Variants in ATP13A4 observed in about 807,000 individuals in gnomAD.
ATP13A4 encodes the protein ATPase 13A4.
ATP13A4 carries 114 observed loss-of-function variants against 142.5 expected under a neutral mutation model. The observed-to-expected ratio is 0.80, with a 90% CI of 0.69 to 0.93. ATP13A4 has a LOEUF of 0.93. Among genes scored for constraint, ATP13A4 ranks in the 40% least tolerant of loss-of-function variants. ATP13A4 has a pLI of 0.00. For synonymous variants in ATP13A4, 488 were observed against 514.8 expected, an observed-to-expected ratio of 0.95 and a Z score of 0.70; for missense variants, 1,392 against 1,454.0, an observed-to-expected ratio of 0.96 and a Z score of 0.69.
intron 28 of ATP13A4, among the ~76,000 whole-genome samples, chr3:193,409,383 G>C (rs1240284139): frequency 6.6e-6 from 1 of 152,124 alleles, no homozygotes; most frequent in Non-Finnish European, 1.5e-5. Context: ...TTTTAAAAGT[G>C]AACAATAATT....
chr3:193,423,644 C>T lies in ATP13A4; in HGVS notation c.2843-8894G>A, dbSNP rs945932442. 2.7e-5 allele frequency among the ~76,000 whole-genome samples: 4 copies of T among 149,720 alleles called. 1 individual carries two copies. The highest frequency in any genetic ancestry group is 9.8e-5 in the African/African-American group (4 of 40,814). Reference sequence around the variant, plus strand: ...ATTCAAAATTCCCTTCTGCTAAAAACTCTGAACAAATTAAGCATAGAAGAA... The same window carrying T: ...ATTCAAAATTCCCTTCTGCTAAAAATTCTGAACAAATTAAGCATAGAAGAA... On this transcript the variant is annotated intron_variant, in intron 25 of 29. Coordinates refer to ENST00000342695, the MANE Select transcript of ATP13A4 (RefSeq NM_032279.4).
chr3:193,436,380 A>G (rs1716268659), intron 23 of ATP13A4, among the ~76,000 whole-genome samples: 1 of 152,206 alleles, frequency 6.6e-6, no homozygotes, highest in Non-Finnish European at 1.5e-5. Context: ...TAGATGACAC[A>G]TGAAATGTCA....
chr3:193,574,730 A>G (rs1295593023), intron 2 of ATP13A4, among the ~76,000 whole-genome samples: 1 of 152,118 alleles, frequency 6.6e-6, no homozygotes, highest in Non-Finnish European at 1.5e-5. Context: ...CAAACAAAAC[A>G]AAAAACCTAG....
At chr3:193,457,327 G>C in intron 15 of ATP13A4, 52 bp downstream of exon 15, 1 of 1,601,446 alleles carries the variant, frequency 6.2e-7, no homozygotes, top group East Asian at 2.2e-5. Context: ...GGGGCCAGAA[G>C]AGTTTCTCTT....
intron 3 of ATP13A4, among the ~76,000 whole-genome samples, chr3:193,501,461 G>A (rs1720534525): frequency 6.6e-6 from 1 of 151,996 alleles, no homozygotes; most frequent in African/African-American, 2.4e-5. Flanking sequence ...GGTAGCAGGT[G>A]CCTGTATTCC....
At chr3:193,525,227 C>T (rs965494074) in intron 1 of ATP13A4, among the ~76,000 whole-genome samples, 3 of 152,160 alleles carry the variant, frequency 2.0e-5, no homozygotes, top group Non-Finnish European at 4.4e-5. Flanking sequence ...TCATAGAGTG[C>T]TGGCACCTGA....
At position 193,402,372 on chromosome 3, in the gene ATP13A4, TA is replaced by T. The variant is rs1466664321; in HGVS notation, c.*279del. 1 of 426,014 alleles carries T rather than the reference TA, an allele frequency of 2.3e-6. No homozygotes were observed. Among genetic ancestry groups the T allele is most frequent in the Non-Finnish European group, 4.3e-6 (1 of 231,998 alleles). The allele number at this position is 426,014 out of a possible 1,614,324, so 26.4% of individuals were successfully genotyped here. A position where few individuals can be genotyped will look rare whatever the true frequency, so the allele number is the denominator to read the frequency against. On this transcript the variant is annotated 3_prime_UTR_variant, in exon 30 of 30. Coordinates refer to ENST00000342695, the MANE Select transcript of ATP13A4 (RefSeq NM_032279.4). Reference sequence around the variant, plus strand: ...GGAAAGATCACATATTTTTCCCCTTTAGCCTGCTTGTCTCTTGGCCCATAGA... The same window carrying T: ...GGAAAGATCACATATTTTTCCCCTTTGCCTGCTTGTCTCTTGGCCCATAGA...
At chr3:193,497,148 G>T (rs1162829733) in intron 3 of ATP13A4, among the ~76,000 whole-genome samples, 1 of 152,130 alleles carries the variant, frequency 6.6e-6, no homozygotes, top group Non-Finnish European at 1.5e-5. Flanking sequence ...CAGAATGGAA[G>T]AAAATATTTG....
intron 1 of ATP13A4, among the ~76,000 whole-genome samples, chr3:193,534,801 A>G (rs1035006711): frequency 6.6e-6 from 1 of 152,152 alleles, no homozygotes; most frequent in Non-Finnish European, 1.5e-5. Context: ...GAAATGACTA[A>G]AAAACTTAAA....
intron 24 of ATP13A4, among the ~76,000 whole-genome samples, chr3:193,435,257 CT>C (rs11391745): frequency 3.3e-5 from 5 of 151,526 alleles, no homozygotes. Flanking sequence ...ATAATCAGGT[CT>C]TTTTTTTCAT....
intron 5 of ATP13A4, 27 bp from the exon 6 acceptor site, chr3:193,491,425 T>C (rs1452750111): frequency 6.8e-7 from 1 of 1,477,310 alleles, no homozygotes; most frequent in Non-Finnish European, 9.5e-7. Context: ...CAGATCACTC[T>C]GTCACAAATA....
rs151135524 is a variant in ATP13A4, at chr3:193,517,322, A to T, written c.61-2451T>A. Among the ~76,000 whole-genome samples, 11 of 152,358 alleles carry T rather than the reference A, an allele frequency of 7.2e-5. 1 individual carries two copies. The highest frequency in any genetic ancestry group is 2.6e-4 in the African/African-American group (11 of 41,588). ...GAGAGTCACACAAACAGCTAAGATT[A>T]AACAAGGTTAGAGCAATAAAGGGTT... On this transcript the variant is annotated intron_variant, in intron 1 of 29. Transcript: ENST00000342695.
intron 23 of ATP13A4, among the ~76,000 whole-genome samples, chr3:193,436,939 C>T (rs1716312272): frequency 6.8e-6 from 1 of 147,836 alleles, no homozygotes; most frequent in Admixed American, 6.6e-5. Flanking sequence ...CCCGTCTCTA[C>T]TAAAAATGCA....
intron 25 of ATP13A4, among the ~76,000 whole-genome samples, chr3:193,416,557 C>A (rs1560172487): frequency 6.6e-6 from 1 of 151,980 alleles, no homozygotes; most frequent in Non-Finnish European, 1.5e-5. Flanking sequence ...GTGAAAACAG[C>A]AAACTTGCAA....
At chr3:193,462,921 G>T in intron 12 of ATP13A4, 98 bp from the exon 13 acceptor site, 1 of 1,228,254 alleles carries the variant, frequency 8.1e-7, no homozygotes, top group Non-Finnish European at 1.2e-6. Context: ...GAGGCAAGAG[G>T]ATCACTTGAA....
intron 13 of ATP13A4, among the ~76,000 whole-genome samples, chr3:193,462,113 T>C (rs558731613): frequency 1.2e-3 from 188 of 151,034 alleles, no homozygotes; most frequent in African/African-American, 4.5e-3. Flanking sequence ...TCTCAGCTAC[T>C]CGGGAGGCTG....
Position 193,466,021 on chromosome 3 carries a change from T to C in ATP13A4, c.1272+4A>G. On this transcript the variant is annotated splice_donor_region_variant and intron_variant, in intron 11 of 29. Transcript: ENST00000342695. ...CATTTAATAAAAGAGCAAAGACAGC[T>C]TACCCCACTAAGCACATAGACACAC... 1.9e-6 allele frequency: 3 copies of C among 1,613,974 alleles called. No individual in the cohort carries two copies. Among genetic ancestry groups the C allele is most frequent in the Non-Finnish European group, 2.5e-6 (3 of 1,179,870 alleles).
upstream of ATP13A4, among the ~76,000 whole-genome samples, chr3:193,556,787 A>G (rs908077984): frequency 3.3e-5 from 5 of 152,156 alleles, no homozygotes; most frequent in Non-Finnish European, 7.3e-5. Flanking sequence ...TACCTCAATA[A>G]AAAATTATAC....
intron 25 of ATP13A4, among the ~76,000 whole-genome samples, chr3:193,417,339 T>C (rs1715118149): frequency 6.6e-6 from 1 of 152,226 alleles, no homozygotes; most frequent in Admixed American, 6.5e-5. Flanking sequence ...ATGCTGATAT[T>C]TGTGTATTTT....
Sources: allele counts gnomAD v4.1 joint callset (sites outside exome capture counted in the v4.1 genomes callset), GRCh38; gene constraint gnomAD v4.1.1; transcripts MANE v1.5; gene names NCBI Gene and HGNC (gene_info 2026-07-23, HGNC 2026-07-21).